DSCAML1: variants seen among roughly 807,000 people sequenced by gnomAD.
The protein encoded by DSCAML1 is cell adhesion molecule DSCAML1.
A neutral mutation model predicts 200.5 loss-of-function variants in DSCAML1; 38 were observed. That is an observed-to-expected ratio of 0.19 (90% CI 0.15 to 0.25). The LOEUF is 0.25. Among genes scored for constraint, DSCAML1 ranks in the 10% least tolerant of loss-of-function variants. The pLI is 1.00. For missense variants in DSCAML1, 2,223 were observed against 2,858.8 expected, an observed-to-expected ratio of 0.78 and a Z score of 5.07; for synonymous variants, 1,215 against 1,165.0, an observed-to-expected ratio of 1.04 and a Z score of -0.87.
chr11:117,780,235 A>AG lies in DSCAML1; in HGVS notation c.364+257dup, dbSNP rs1164455324. On this transcript the variant is annotated intron_variant, in intron 2 of 32. Coordinates refer to ENST00000651296, the MANE Select transcript of DSCAML1 (RefSeq NM_020693.4). This position sits in a 1 kb window ranked among gnomAD's most constrained non-coding sequence, Gnocchi z 4.8. ...AGAGAGAGAGAAAGAAAGAAAGGAA[A>AG]GAAAGAAAGAAAGAAAGAAAGAAAG... Among the ~76,000 whole-genome samples, 9 of 49,294 alleles carry AG rather than the reference A, an allele frequency of 1.8e-4. No homozygotes were observed. Among genetic ancestry groups the AG allele is most frequent in the Non-Finnish European group, 3.3e-4 (8 of 24,366 alleles). 32.3% of individuals were successfully genotyped at this position (49,294 alleles called of 152,430 possible).
In DSCAML1 at chr11:117,516,889, C is replaced by T. The variant is rs1407401360; in HGVS notation, c.1511-150G>A. On this transcript the variant is annotated intron_variant, in intron 7 of 32. Transcript: ENST00000651296. The surrounding 1 kb of genome is among the most constrained non-coding windows in gnomAD (Gnocchi z 5.7). ...GACATTTGGTGGGGGCACAGGGATG[C>T]CTTTTTACAAAGCTACAGACAGGGG... The T allele has an allele frequency of 4.1e-6, 4 of 970,558 alleles. No individual in the cohort carries two copies. Among genetic ancestry groups the T allele is most frequent in the Admixed American group, 5.7e-5 (2 of 35,290 alleles). 60.1% of individuals were successfully genotyped at this position (970,558 alleles called of 1,614,324 possible). A position where few individuals can be genotyped will look rare whatever the true frequency, so the allele number is the denominator to read the frequency against.
In DSCAML1 at chr11:117,458,694, G is replaced by A. The variant is rs2048420935; in HGVS notation, c.3568+60C>T. ...GCTCTCACCCTGCCTCCTGGGGTGG[G>A]GCTGGGGGTTAGCAGTGGGTGGCAG... On this transcript the variant is annotated intron_variant, in intron 19 of 32. Transcript: ENST00000651296. 3.5e-5 allele frequency: 55 copies of A among 1,586,732 alleles called. 1 individual carries two copies. In the South Asian group the frequency reaches 5.9e-4, roughly 17 times the overall value.
chr11:117,453,521 CAT>C (rs2137124620), intron 19 of DSCAML1, among the ~76,000 whole-genome samples: 1 of 152,192 alleles, frequency 6.6e-6, no homozygotes, highest in East Asian at 1.9e-4. Flanking sequence ...GGTATAATAT[CAT>C]AGGTTGGTAA....
rs1591291931 is a variant in DSCAML1 at position 117,583,124 on chromosome 11, A to G, written c.512-50602T>C. On this transcript the variant is annotated intron_variant, in intron 3 of 32. Coordinates refer to ENST00000651296, the MANE Select transcript of DSCAML1 (RefSeq NM_020693.4). ...TAACCAGGTGGTTATCTAGTTCAAG[A>G]AACCATGGCCTTTCCCCTCCGCATG... is the stretch of plus-strand genomic sequence containing the variant. Among the ~76,000 whole-genome samples the G allele has an allele frequency of 9.2e-5, 14 of 152,048 alleles. No individual in the cohort carries two copies. In the South Asian group the frequency reaches 2.9e-3, roughly 32 times the overall value.
In DSCAML1 at chr11:117,521,972, C is replaced by T. The variant is rs1005384520; in HGVS notation, c.938-567G>A. 1.2e-4 allele frequency among the ~76,000 whole-genome samples: 19 copies of T among 152,340 alleles called. No individual in the cohort carries two copies. The South Asian group carries it at 2.3e-3, about 18-fold the overall frequency. ...GTCCTCCATGCTGCAGCCAGCCACT[C>T]GCTGCTCAGAACTTCCATGACTCCA... is the stretch of plus-strand genomic sequence containing the variant. On this transcript the variant is annotated intron_variant, in intron 5 of 32. Coordinates refer to ENST00000651296, the MANE Select transcript of DSCAML1 (RefSeq NM_020693.4).
At chr11:117,476,919 TGGA>T (rs1217510587) in intron 14 of DSCAML1, among the ~76,000 whole-genome samples, 1 of 151,692 alleles carries the variant, frequency 6.6e-6, no homozygotes, top group Non-Finnish European at 1.5e-5. Context: ...CAGCGGGAAG[TGGA>T]GAAGGGAAGC....
At chr11:117,531,189 T>C (rs1349570571) in intron 4 of DSCAML1, among the ~76,000 whole-genome samples, 1 of 152,172 alleles carries the variant, frequency 6.6e-6, no homozygotes, top group South Asian at 2.1e-4. Flanking sequence ...AGCATGGGTA[T>C]GGGCATTCAA....
At chr11:117,615,346 G>A (rs2051790813) in intron 3 of DSCAML1, among the ~76,000 whole-genome samples, 1 of 152,190 alleles carries the variant, frequency 6.6e-6, no homozygotes. Flanking sequence ...ACATCCTGAG[G>A]TCCTGGATGC....
chr11:117,677,633 C>T (rs528697803), intron 3 of DSCAML1, among the ~76,000 whole-genome samples: 2 of 152,232 alleles, frequency 1.3e-5, no homozygotes, highest in South Asian at 4.2e-4. Flanking sequence ...GGAGCTTCTG[C>T]TTACCAAGGG....
At position 117,783,110 on chromosome 11, in the gene DSCAML1, TGCACATACACG is replaced by T. The variant is rs567083372; in HGVS notation, c.47-2311_47-2301del. 1.9e-3 allele frequency among the ~76,000 whole-genome samples: 290 copies of T among 152,312 alleles called. 1 individual carries two copies. Among genetic ancestry groups the T allele is most frequent in the African/African-American group, 6.6e-3 (275 of 41,562 alleles). On this transcript the variant is annotated intron_variant, in intron 1 of 32. Transcript: ENST00000651296. ...ACACACAGGTGCACACACACATACA[TGCACATACACG>T]ACACACACACTCCTTCCTGGGAGCG...
At chr11:117,757,388 G>A (rs1024990763) in intron 3 of DSCAML1, among the ~76,000 whole-genome samples, 2 of 151,926 alleles carry the variant, frequency 1.3e-5, no homozygotes, top group Non-Finnish European at 2.9e-5. Context: ...CAACACAATA[G>A]AAATGATAAA....
At chr11:117,560,250 A>G (rs978875726) in intron 3 of DSCAML1, among the ~76,000 whole-genome samples, 4 of 152,146 alleles carry the variant, frequency 2.6e-5, no homozygotes, top group Non-Finnish European at 5.9e-5. Context: ...TCCAGGTACT[A>G]TGCTACGGTT....
chr11:117,464,528 C>T (rs1033199780), intron 17 of DSCAML1, among the ~76,000 whole-genome samples: 1 of 152,178 alleles, frequency 6.6e-6, no homozygotes, highest in African/African-American at 2.4e-5. Context: ...TCAGCCTCAT[C>T]TCAGGTAGAT....
At chr11:117,446,477 A>G (rs959002959) in intron 20 of DSCAML1, among the ~76,000 whole-genome samples, 1 of 152,260 alleles carries the variant, frequency 6.6e-6, no homozygotes, top group African/African-American at 2.4e-5. Context: ...ATATGTAAAG[A>G]ACACTTATAA....
intron 3 of DSCAML1, among the ~76,000 whole-genome samples, chr11:117,562,327 C>A (rs145811313): frequency 0.016 from 2,470 of 152,316 alleles, 36 homozygotes; most frequent in Non-Finnish European, 0.024. Flanking sequence ...CACAACAACA[C>A]CCCCTCTCTC....
In DSCAML1 at chr11:117,442,304, CAT is replaced by C. The variant is rs142977760; in HGVS notation, c.3862+1580_3862+1581del. On this transcript the variant is annotated intron_variant, in intron 21 of 32. Coordinates refer to ENST00000651296, the MANE Select transcript of DSCAML1 (RefSeq NM_020693.4). Reference sequence around the variant, plus strand: ...TAGTGTGTATGTGTGTATATGTGTGCATATGTGTATGCATGTATTAGTGTGTA... The same window carrying C: ...TAGTGTGTATGTGTGTATATGTGTGCATGTGTATGCATGTATTAGTGTGTA... Among the ~76,000 whole-genome samples the C allele has an allele frequency of 6.0e-3, 880 of 147,548 alleles. 4 individuals are homozygous for C. Among genetic ancestry groups the C allele is most frequent in the Non-Finnish European group, 9.4e-3 (637 of 67,464 alleles).
intron 11 of DSCAML1, among the ~76,000 whole-genome samples, chr11:117,486,737 A>G (rs1439546313): frequency 7.2e-5 from 11 of 152,250 alleles, no homozygotes; most frequent in Admixed American, 1.3e-4. Context: ...CTAGCATCCT[A>G]GCATTGCAGA....
intron 3 of DSCAML1, among the ~76,000 whole-genome samples, chr11:117,648,422 C>T (rs1355020433): frequency 6.6e-6 from 1 of 152,220 alleles, no homozygotes; most frequent in African/African-American, 2.4e-5. Context: ...CCTCTGCCCC[C>T]CTTGGATCAC....
rs748924772 is a variant in DSCAML1 at position 117,797,206 on chromosome 11, A to G, written c.-127T>C. ...CCCCGCTCTCTCTGCTCCTCAGCCC[A>G]GCGCTCGGCTGCGGCGGCGGCTCCT... On this transcript the variant is annotated 5_prime_UTR_variant, in exon 1 of 33. Transcript: ENST00000651296. 1.3e-6 allele frequency: 2 copies of G among 1,511,546 alleles called. No homozygotes were observed. Among genetic ancestry groups the G allele is most frequent in the East Asian group, 2.8e-5 (1 of 35,214 alleles). 93.6% of individuals were successfully genotyped at this position (1,511,546 alleles called of 1,614,324 possible). A position where few individuals can be genotyped will look rare whatever the true frequency, so the allele number is the denominator to read the frequency against.
Sources: gnomAD v4.1 joint callset for allele counts (sites outside exome capture counted in the v4.1 genomes callset) on GRCh38, gnomAD v4.1.1 for gene constraint, Gnocchi (gnomAD v3.1) non-coding constraint, MANE v1.5 for transcripts, NCBI Gene and HGNC (gene_info 2026-07-23, HGNC 2026-07-21) for gene names.